EPHA6: variants seen among roughly 807,000 people sequenced by gnomAD.
The protein encoded by EPHA6 is EPH receptor A6, also known as ephrin type-A receptor 6.
Under a neutral mutation model 112.0 loss-of-function variants are expected in EPHA6, and 50 were observed. The observed-to-expected ratio is 0.45, with a 90% CI of 0.36 to 0.56. The LOEUF (loss-of-function observed/expected upper bound fraction) is 0.56. EPHA6 is among the 20% of genes least tolerant of loss of function. The pLI, the probability that EPHA6 is intolerant of heterozygous loss-of-function variation, is 0.00. For missense variants in EPHA6, 1,280 were observed against 1,417.4 expected, an observed-to-expected ratio of 0.90 and a Z score of 1.56; for synonymous variants, 529 against 490.7, an observed-to-expected ratio of 1.08 and a Z score of -1.03.
intron 1 of EPHA6, among the ~76,000 whole-genome samples, chr3:96,831,617 A>G (rs2107277723): frequency 6.6e-6 from 1 of 152,064 alleles, no homozygotes; most frequent in African/African-American, 2.4e-5. Context: ...ATACATGTGC[A>G]CAATATGCAG....
Position 97,485,552 on chromosome 3 carries a change from C to T in EPHA6, c.2200+1493C>T, listed in dbSNP as rs2091678787. ...TCATCTCCTGCATGGCTGGGTCTCC[C>T]TCTGAAAGCTGCCACAAGGGCCTTT... On this transcript the variant is annotated intron_variant, in intron 10 of 17. Coordinates refer to ENST00000389672, the MANE Select transcript of EPHA6 (RefSeq NM_001080448.3). Among the ~76,000 whole-genome samples the T allele has an allele frequency of 2.0e-5, 3 of 152,144 alleles. No individual in the cohort carries two copies. In the South Asian group the frequency reaches 6.2e-4, roughly 32 times the overall value.
intron 1 of EPHA6, among the ~76,000 whole-genome samples, chr3:96,826,616 GTCTT>G (rs1387400441): frequency 3.9e-5 from 6 of 152,022 alleles, no homozygotes; most frequent in African/African-American, 9.7e-5. Flanking sequence ...TATTTTCCAT[GTCTT>G]TCTATTAGCT....
chr3:97,696,728 A>C (rs572706528), intron 14 of EPHA6, among the ~76,000 whole-genome samples: 1 of 152,296 alleles, frequency 6.6e-6, no homozygotes, highest in Admixed American at 6.5e-5. Context: ...ACTATGGTCC[A>C]AGCGTTGCTA....
chr3:97,735,665 G>A (rs755255001), intron 15 of EPHA6, among the ~76,000 whole-genome samples: 1 of 151,886 alleles, frequency 6.6e-6, no homozygotes, highest in Non-Finnish European at 1.5e-5. Context: ...ATTTCTTAAG[G>A]TTGTAGGGAA....
rs1249008326 is a variant in EPHA6, at chr3:97,348,130, C to T, written c.1607-57020C>T. On this transcript the variant is annotated intron_variant, in intron 5 of 17. Coordinates refer to ENST00000389672, the MANE Select transcript of EPHA6 (RefSeq NM_001080448.3). ...ATTAGAGAGTAAAATTGTGTGAAAA[C>T]GACTGCAGGGAATAGAGGAGTACAT... Among the ~76,000 whole-genome samples, 6 of 151,896 alleles carry T rather than the reference C, an allele frequency of 4.0e-5. No homozygotes were observed. The East Asian group carries it at 7.7e-4, about 20-fold the overall frequency.
At chr3:97,120,315 ATTC>A (rs1178401451) in intron 3 of EPHA6, among the ~76,000 whole-genome samples, 1 of 151,926 alleles carries the variant, frequency 6.6e-6, no homozygotes, top group African/African-American at 2.4e-5. Flanking sequence ...AGAAACAGTA[ATTC>A]TTCTTAGAAA....
intron 3 of EPHA6, among the ~76,000 whole-genome samples, chr3:97,172,086 T>C (rs535379346): frequency 5.9e-5 from 9 of 152,070 alleles, no homozygotes; most frequent in Middle Eastern, 3.4e-3. Context: ...CAGGTTGTAA[T>C]GGGCCAAAAA....
intron 10 of EPHA6, among the ~76,000 whole-genome samples, chr3:97,528,816 G>T (rs1262873608): frequency 6.6e-6 from 1 of 152,074 alleles, no homozygotes; most frequent in Admixed American, 6.6e-5. Flanking sequence ...AAAATTGCTT[G>T]TCCAGGAATG....
chr3:97,586,360 A>G (rs920616281), intron 11 of EPHA6, among the ~76,000 whole-genome samples: 1 of 152,184 alleles, frequency 6.6e-6, no homozygotes. Flanking sequence ...CATTTTTCCA[A>G]TGCTTTACAT....
intron 3 of EPHA6, among the ~76,000 whole-genome samples, chr3:97,181,511 G>A (rs956908548): frequency 3.3e-4 from 50 of 151,764 alleles, no homozygotes; most frequent in African/African-American, 1.1e-3. Flanking sequence ...ATGCATGAAC[G>A]GTGCACAATA....
chr3:97,324,465 C>CTTTCTTTCTTTCTT (rs1553746392), intron 5 of EPHA6, among the ~76,000 whole-genome samples: 16 of 133,924 alleles, frequency 1.2e-4, no homozygotes, highest in Non-Finnish European at 2.4e-4. Context: ...TTCTTTCTTT[C>CTTTCTTTCTTTCTT]TTTCTTTTTC....
At chr3:97,642,934 C>T (rs962508769) in intron 14 of EPHA6, among the ~76,000 whole-genome samples, 7 of 148,126 alleles carry the variant, frequency 4.7e-5, no homozygotes, top group African/African-American at 1.5e-4. Flanking sequence ...TCAGGAAATA[C>T]AGAGAACGCC....
Position 97,272,632 on chromosome 3 carries a change from G to A in EPHA6, c.1606+28345G>A, listed in dbSNP as rs113732524. Among the ~76,000 whole-genome samples the A allele has an allele frequency of 2.0e-3, 298 of 152,144 alleles. 2 individuals are homozygous for A. The highest frequency in any genetic ancestry group is 6.6e-3 in the African/African-American group (274 of 41,506). On this transcript the variant is annotated intron_variant, in intron 5 of 17. Transcript: ENST00000389672. ...TAGGTAAAGGAAAATTACAGTCAAA[G>A]GGGGGTGTTCTCTGGCAGGCAGGGG...
intron 3 of EPHA6, among the ~76,000 whole-genome samples, chr3:97,089,663 G>A (rs2047003819): frequency 6.6e-6 from 1 of 152,082 alleles, no homozygotes; most frequent in African/African-American, 2.4e-5. Context: ...TGTATCAGTA[G>A]CTTCAAATCC....
chr3:97,641,448 T>C (rs1043265802), intron 14 of EPHA6, among the ~76,000 whole-genome samples: 43 of 152,300 alleles, frequency 2.8e-4, no homozygotes, highest in Middle Eastern at 6.8e-3. Context: ...CCAAGATGGC[T>C]GAATAGGAAT....
At chr3:97,378,417 C>T (rs990122848) in intron 5 of EPHA6, among the ~76,000 whole-genome samples, 5 of 152,282 alleles carry the variant, frequency 3.3e-5, no homozygotes, top group Admixed American at 6.5e-5. Flanking sequence ...AATGTGGGGT[C>T]GGAGCCCCCA....
At chr3:97,509,208 G>A (rs1219555668) in intron 10 of EPHA6, among the ~76,000 whole-genome samples, 2 of 151,518 alleles carry the variant, frequency 1.3e-5, no homozygotes, top group Admixed American at 6.6e-5. Context: ...ATTGCTATGC[G>A]TGAATTTGAT....
chr3:97,479,695 C>A (rs1401698684), intron 9 of EPHA6, among the ~76,000 whole-genome samples: 2 of 152,112 alleles, frequency 1.3e-5, no homozygotes, highest in Non-Finnish European at 2.9e-5. Flanking sequence ...GAACATTAGA[C>A]ATAGAAATAA....
chr3:97,662,023 T>A (rs1576230285), intron 14 of EPHA6, among the ~76,000 whole-genome samples: 4 of 152,276 alleles, frequency 2.6e-5, no homozygotes, highest in Admixed American at 2.6e-4. Context: ...TATGTATGAT[T>A]TTGGCCACCA....
Sources: allele counts gnomAD v4.1 joint callset (sites outside exome capture counted in the v4.1 genomes callset), GRCh38; gene constraint gnomAD v4.1.1; transcripts MANE v1.5; gene names NCBI Gene and HGNC (gene_info 2026-07-23, HGNC 2026-07-21).